Variants in ATP9B observed in about 807,000 individuals in gnomAD.
ATP9B encodes the protein probable phospholipid-transporting ATPase IIB.
ATP9B carries 110 observed loss-of-function variants against 146.1 expected under a neutral mutation model. The observed-to-expected ratio is 0.75, with a 90% CI of 0.65 to 0.88. The LOEUF is 0.88. Among genes scored for constraint, ATP9B ranks in the 40% least tolerant of loss-of-function variants. ATP9B has a pLI of 0.00. For missense variants in ATP9B, 1,499 were observed against 1,496.4 expected, an observed-to-expected ratio of 1.00 and a Z score of -0.03; for synonymous variants, 604 against 569.7, an observed-to-expected ratio of 1.06 and a Z score of -0.86.
chr18:79,224,652 G>C (rs1278100455), intron 11 of ATP9B, among the ~76,000 whole-genome samples: 1 of 152,212 alleles, frequency 6.6e-6, no homozygotes, highest in African/African-American at 2.4e-5. Context: ...CAGCCAGCTA[G>C]CAGGGCAGGT....
intron 7 of ATP9B, among the ~76,000 whole-genome samples, chr18:79,167,979 C>G (rs1473604677): frequency 6.6e-6 from 1 of 152,214 alleles, no homozygotes; most frequent in Non-Finnish European, 1.5e-5. Context: ...TGGAGAGGGC[C>G]AAGCCGGCAG....
chr18:79,232,206 T>C (rs967262173), intron 11 of ATP9B, among the ~76,000 whole-genome samples: 3 of 152,082 alleles, frequency 2.0e-5, no homozygotes, highest in Admixed American at 6.5e-5. Context: ...TGGGATATCA[T>C]GGGGGGAGCT....
Position 79,347,936 on chromosome 18 carries a change from T to C in ATP9B, c.2838+11T>C. ...ATCTCCACCATGCAGGTACTAAGCC[T>C]TCTGTGCTGGCACCCATGGAGGGCA... On this transcript the variant is annotated intron_variant, in intron 24 of 29. Coordinates refer to ENST00000426216, the MANE Select transcript of ATP9B (RefSeq NM_198531.5). The C allele has an allele frequency of 6.2e-7, 1 of 1,609,526 alleles. No homozygotes were observed. Among genetic ancestry groups the C allele is most frequent in the South Asian group, 1.1e-5 (1 of 90,744 alleles).
intron 11 of ATP9B, 45 bp downstream of exon 11, chr18:79,214,083 C>G (rs2095606864): frequency 7.0e-7 from 1 of 1,425,878 alleles, no homozygotes; most frequent in Non-Finnish European, 9.6e-7. Flanking sequence ...CTTATTTTTC[C>G]TTTCAGTAAG....
chr18:79,313,085 A>G (rs1331780014), intron 15 of ATP9B, among the ~76,000 whole-genome samples: 4 of 152,222 alleles, frequency 2.6e-5, no homozygotes, highest in South Asian at 4.1e-4. Context: ...TCCTTTAGCC[A>G]TCAGCCCTGT....
intron 13 of ATP9B, among the ~76,000 whole-genome samples, chr18:79,282,944 CAG>C (rs978043898): frequency 6.6e-6 from 1 of 152,220 alleles, no homozygotes; most frequent in Admixed American, 6.5e-5. Context: ...CTCTAGATAA[CAG>C]GGGCACCCAG....
At chr18:79,350,177 C>T (rs2096915141) in intron 25 of ATP9B, among the ~76,000 whole-genome samples, 2 of 152,214 alleles carry the variant, frequency 1.3e-5, no homozygotes, top group South Asian at 2.1e-4. Flanking sequence ...CCACGTCCTT[C>T]GCCTGCACAT....
intron 12 of ATP9B, among the ~76,000 whole-genome samples, chr18:79,272,371 A>G (rs4799027): frequency 0.94 from 142,364 of 152,238 alleles, 66,663 homozygotes; most frequent in East Asian, 1. Context: ...CACCGTATGC[A>G]TGTATGTATG....
intron 1 of ATP9B, among the ~76,000 whole-genome samples, chr18:79,091,013 TCCCAGCA>T (rs1416532400): frequency 6.6e-6 from 1 of 152,214 alleles, no homozygotes; most frequent in Non-Finnish European, 1.5e-5. Context: ...TATCCAGTTT[TCCCAGCA>T]CCATTTATTG....
chr18:79,373,369 T>A (rs1040585494), intron 27 of ATP9B, among the ~76,000 whole-genome samples: 8 of 152,330 alleles, frequency 5.3e-5, no homozygotes, highest in Non-Finnish European at 1.2e-4. Flanking sequence ...GATTAAAAAG[T>A]TTGTCTGCCT....
At chr18:79,296,947 AAGAG>A (rs1187051676) in intron 13 of ATP9B, among the ~76,000 whole-genome samples, 1 of 140,194 alleles carries the variant, frequency 7.1e-6, no homozygotes, top group Non-Finnish European at 1.6e-5. Flanking sequence ...AGAGAGGAGA[AAGAG>A]AGATGACCCA....
At chr18:79,310,338 G>A (rs962924427) in intron 15 of ATP9B, among the ~76,000 whole-genome samples, 2 of 152,196 alleles carry the variant, frequency 1.3e-5, no homozygotes, top group Admixed American at 6.5e-5. Flanking sequence ...ACAACTATGC[G>A]TTCAGAATGT....
chr18:79,140,814 T>C (rs902141151), intron 5 of ATP9B, among the ~76,000 whole-genome samples: 7 of 152,020 alleles, frequency 4.6e-5, no homozygotes, highest in African/African-American at 1.7e-4. Context: ...GGTAGTTATT[T>C]GGTATACATT....
In ATP9B at chr18:79,280,649, C is replaced by T. The variant is rs558435994; in HGVS notation, c.1411+3453C>T. Among the ~76,000 whole-genome samples the T allele has an allele frequency of 3.3e-5, 5 of 152,086 alleles. No individual in the cohort carries two copies. In the South Asian group the frequency reaches 1.0e-3, roughly 32 times the overall value. On this transcript the variant is annotated intron_variant, in intron 13 of 29. Transcript: ENST00000426216. Reference sequence around the variant, plus strand: ...TAATTGTCAGTTTAGATCTTATGGACATATATAGAGTTACTTATCTAACAA... The same window carrying T: ...TAATTGTCAGTTTAGATCTTATGGATATATATAGAGTTACTTATCTAACAA...
intron 10 of ATP9B, among the ~76,000 whole-genome samples, chr18:79,208,727 T>G (rs1439198593): frequency 6.6e-6 from 1 of 151,302 alleles, no homozygotes; most frequent in African/African-American, 2.4e-5. Context: ...AAATGTTACA[T>G]ACATATAAAT....
chr18:79,253,048 G>T (rs1303957361), intron 11 of ATP9B, among the ~76,000 whole-genome samples: 1 of 152,206 alleles, frequency 6.6e-6, no homozygotes. Flanking sequence ...CCCCTGCTGC[G>T]CGCCGAGCAA....
chr18:79,199,032 A>G lies in ATP9B; in HGVS notation c.954+5769A>G, dbSNP rs561871838. ...AGTGGCGCAATCTCAGCTCACTGCA[A>G]CCTCTGCCTCCCAGGTTCAAGTGGC... On this transcript the variant is annotated intron_variant, in intron 9 of 29. Coordinates refer to ENST00000426216, the MANE Select transcript of ATP9B (RefSeq NM_198531.5). Among the ~76,000 whole-genome samples the G allele has an allele frequency of 4.6e-5, 7 of 152,176 alleles. No individual in the cohort carries two copies. In the East Asian group the frequency reaches 1.4e-3, roughly 29 times the overall value.
intron 1 of ATP9B, among the ~76,000 whole-genome samples, chr18:79,076,198 A>G (rs530634751): frequency 6.6e-6 from 1 of 152,360 alleles, no homozygotes; most frequent in South Asian, 2.1e-4. Context: ...CTCTCAATCT[A>G]GAATATTCAA....
chr18:79,284,629 A>G (rs542145350), intron 13 of ATP9B, among the ~76,000 whole-genome samples: 101 of 151,596 alleles, frequency 6.7e-4, no homozygotes, highest in African/African-American at 2.3e-3. Context: ...TAATTTTTTT[A>G]TTATTATTAT....
Sources: gnomAD v4.1 joint callset for allele counts (sites outside exome capture counted in the v4.1 genomes callset) on GRCh38, gnomAD v4.1.1 for gene constraint, MANE v1.5 for transcripts, NCBI Gene and HGNC (gene_info 2026-07-23, HGNC 2026-07-21) for gene names.